NHSL1: variants seen among roughly 807,000 people sequenced by gnomAD.
NHSL1 encodes NHS like 1.
In NHSL1, 48 loss-of-function variants were observed where a neutral mutation model predicts 95.0. The ratio of observed to expected loss-of-function variants is 0.51; its 90% CI spans 0.40 to 0.64. The LOEUF is 0.64. Among genes scored for constraint, NHSL1 ranks in the 30% least tolerant of loss-of-function variants. The pLI, the probability that NHSL1 is intolerant of heterozygous loss-of-function variation, is 0.00. For missense variants in NHSL1, 1,971 were observed against 2,077.7 expected, an observed-to-expected ratio of 0.95 and a Z score of 1.00; for synonymous variants, 783 against 833.9, an observed-to-expected ratio of 0.94 and a Z score of 1.05.
chr6:138,499,231 AC>A lies in NHSL1; in HGVS notation c.58+1del, dbSNP rs1780539926. Reference sequence around the variant, plus strand: ...GTAGTAGAGAGAAAAGGAACTACTTACTTTTCTTCTTAAAAAGTTTAATTAA... The same window carrying A: ...GTAGTAGAGAGAAAAGGAACTACTTATTTTCTTCTTAAAAAGTTTAATTAA... On this transcript the variant is annotated splice_donor_variant, in intron 1 of 7. Coordinates refer to ENST00000343505, the MANE Select transcript of NHSL1 (RefSeq NM_001144060.2). LOFTEE classifies it high-confidence loss of function. The A allele has an allele frequency of 6.6e-7, 1 of 1,523,260 alleles. No homozygotes were observed. 94.4% of individuals were successfully genotyped at this position (1,523,260 alleles called of 1,614,324 possible).
chr6:138,459,400 T>C (rs1040736080), intron 3 of NHSL1, among the ~76,000 whole-genome samples: 23 of 152,252 alleles, frequency 1.5e-4, no homozygotes, highest in Non-Finnish European at 7.3e-5. Context: ...TCTTCTAATT[T>C]GACTTTGTAG....
chr6:138,675,509 A>G (rs925493239), intron 1 of NHSL1, among the ~76,000 whole-genome samples: 2 of 152,134 alleles, frequency 1.3e-5, no homozygotes, highest in Non-Finnish European at 2.9e-5. Flanking sequence ...TCATTTTCCC[A>G]CAGAAAATTC....
intron 1 of NHSL1, among the ~76,000 whole-genome samples, chr6:138,590,978 T>C (rs1179899838): frequency 6.6e-6 from 1 of 152,230 alleles, no homozygotes; most frequent in East Asian, 1.9e-4. Flanking sequence ...GGCTGGGTTC[T>C]AATCCTGATT....
intron 1 of NHSL1, among the ~76,000 whole-genome samples, chr6:138,661,884 A>T (rs193032325): frequency 2.0e-5 from 3 of 152,220 alleles, no homozygotes; most frequent in Non-Finnish European, 4.4e-5. Context: ...CAGTCTGGGT[A>T]ACAAAATAAG....
In NHSL1 at chr6:138,430,456, C is replaced by T. The variant is rs372348568; in HGVS notation, c.3889G>A (p.Ala1297Thr). ...VSPAPKQEEP[A>T]ENSADTGGDG... ...CCCCCAGTATCCGCACTGTTCTCGG[C>T]TGGCTCCTCCTGCTTGGGGGCTGGT... The change falls in exon 6 of 8, where the codon GCC (alanine) becomes ACC (threonine). Residue 1297 changes from alanine to threonine, a missense_variant. Physicochemically the swap from Ala to Thr is moderately conservative, Grantham distance 58. This residue lies in a region of NHSL1 where 1,602 missense variants were observed against 1,654.5 expected (regional missense o/e 0.97). Transcript: ENST00000343505. The surrounding 1 kb of genome is among the most constrained non-coding windows in gnomAD (Gnocchi z 4.7). 2.3e-5 allele frequency: 35 copies of T among 1,547,456 alleles called. No homozygotes were observed. The African/African-American group carries it at 3.4e-4, about 15-fold the overall frequency.
At chr6:138,434,913 A>G (rs376632471) in intron 5 of NHSL1, among the ~76,000 whole-genome samples, 3 of 152,314 alleles carry the variant, frequency 2.0e-5, no homozygotes, top group East Asian at 1.9e-4. Context: ...CTCAAAGGAG[A>G]TGGCACCCTG....
intron 1 of NHSL1, among the ~76,000 whole-genome samples, chr6:138,677,361 C>T (rs1192424791): frequency 1.3e-5 from 2 of 152,128 alleles, no homozygotes; most frequent in African/African-American, 4.8e-5. Flanking sequence ...TGTGTCGAGT[C>T]ACCTCTCAGC....
At chr6:138,495,906 A>G (rs1780323534) in intron 2 of NHSL1, among the ~76,000 whole-genome samples, 2 of 152,172 alleles carry the variant, frequency 1.3e-5, no homozygotes, top group African/African-American at 4.8e-5. Flanking sequence ...TTATAAAACC[A>G]TCAGATTTCA....
chr6:138,523,827 T>C (rs113757842), intron 1 of NHSL1, among the ~76,000 whole-genome samples: 3 of 152,292 alleles, frequency 2.0e-5, no homozygotes, highest in Admixed American at 6.5e-5. Flanking sequence ...GTCCATGCTG[T>C]AGGTCTAGCC....
chr6:138,643,429 T>C (rs1209318716), intron 1 of NHSL1, among the ~76,000 whole-genome samples: 1 of 152,206 alleles, frequency 6.6e-6, no homozygotes, highest in African/African-American at 2.4e-5. Context: ...GGTTCACTCT[T>C]GGTGTTGACA....
At chr6:138,467,254 G>A (rs1031042807) in intron 3 of NHSL1, among the ~76,000 whole-genome samples, 3 of 151,886 alleles carry the variant, frequency 2.0e-5, no homozygotes, top group East Asian at 1.9e-4. Flanking sequence ...CCGGGTTCAC[G>A]CCATTCTCCT....
At chr6:138,610,284 G>A (rs987238558) in intron 1 of NHSL1, among the ~76,000 whole-genome samples, 9 of 151,922 alleles carry the variant, frequency 5.9e-5, no homozygotes, top group East Asian at 3.9e-4. Context: ...GCAAACTATC[G>A]CAACGACAAA....
intron 1 of NHSL1, among the ~76,000 whole-genome samples, chr6:138,613,814 T>C (rs1784545621): frequency 6.6e-6 from 1 of 152,170 alleles, no homozygotes; most frequent in Non-Finnish European, 1.5e-5. Context: ...GAGAAAGATG[T>C]AGAATGGGTC....
chr6:138,583,454 C>T (rs1784090162), intron 1 of NHSL1, among the ~76,000 whole-genome samples: 1 of 152,172 alleles, frequency 6.6e-6, no homozygotes, highest in Non-Finnish European at 1.5e-5. Context: ...TTCCTGACCT[C>T]AGGGATTGGG....
intron 1 of NHSL1, among the ~76,000 whole-genome samples, chr6:138,671,933 G>A (rs959288550): frequency 7.4e-6 from 1 of 135,214 alleles, no homozygotes; most frequent in Non-Finnish European, 1.5e-5. Flanking sequence ...TAGGATGGGA[G>A]GTATACCTAT....
chr6:138,431,487 G>A lies in NHSL1; in HGVS notation c.2858C>T (p.Pro953Leu), dbSNP rs756341839. The change falls in exon 6 of 8, where the codon CCA (proline) becomes CTA (leucine). Residue 953 changes from proline to leucine, a missense_variant. Pro to Leu is a moderately conservative substitution (Grantham distance 98, BLOSUM62 -3). Transcript: ENST00000343505. The surrounding 1 kb of genome is among the most constrained non-coding windows in gnomAD (Gnocchi z 4.0). ...PADRSPFLPPPPPVTDCSQGS... is the reference protein window; with the variant it reads ...PADRSPFLPPLPPVTDCSQGS... Reference sequence around the variant, plus strand: ...CTGGGAGCAATCTGTGACAGGAGGTGGGGGAGGAAGGAAAGGAGACCTGTC... The same window carrying A: ...CTGGGAGCAATCTGTGACAGGAGGTAGGGGAGGAAGGAAAGGAGACCTGTC... The A allele has an allele frequency of 8.4e-6, 13 of 1,551,160 alleles. No individual in the cohort carries two copies. Among genetic ancestry groups the A allele is most frequent in the African/African-American group, 2.7e-5 (2 of 72,952 alleles).
chr6:138,549,076 C>G (rs1782908410), upstream of NHSL1, among the ~76,000 whole-genome samples: 1 of 152,142 alleles, frequency 6.6e-6, no homozygotes, highest in Non-Finnish European at 1.5e-5. Context: ...AATCCACTCA[C>G]AGTGTCCTAA....
chr6:138,493,586 G>A (rs370265587), intron 2 of NHSL1, among the ~76,000 whole-genome samples: 11 of 152,344 alleles, frequency 7.2e-5, no homozygotes, highest in Middle Eastern at 3.4e-3. Context: ...TCACGAAAGC[G>A]TTTTCTACAA....
rs191884795 is a variant in NHSL1, at chr6:138,666,027, G to A, written c.96+26449C>T. 3.2e-3 allele frequency among the ~76,000 whole-genome samples: 492 copies of A among 152,358 alleles called. 1 individual carries two copies. The highest frequency in any genetic ancestry group is 4.8e-3 in the Non-Finnish European group (327 of 68,036). The stretch of plus-strand genomic sequence containing the variant: ...CACACAGTAAAGAAAGAATTGGCCG[G>A]GTGCAGTGGCTCACGCCTGCAATCC... On this transcript the variant is annotated intron_variant, in intron 1 of 3. Coordinates refer to the NHSL1 transcript ENST00000491526.
Sources: allele counts gnomAD v4.1 joint callset (sites outside exome capture counted in the v4.1 genomes callset), GRCh38; gene constraint gnomAD v4.1.1; regional missense constraint gnomAD v4.1.1; non-coding constraint Gnocchi (gnomAD v3.1); transcripts MANE v1.5; gene names NCBI Gene and HGNC (gene_info 2026-07-23, HGNC 2026-07-21).